The following MED14 variants were observed in gnomAD, a reference collection of about 807,000 sequenced individuals.
MED14 encodes the protein mediator of RNA polymerase II transcription subunit 14.
Under a neutral mutation model 109.0 loss-of-function variants are expected in MED14, and 8 were observed. The observed-to-expected ratio is 0.07, with a 90% CI of 0.04 to 0.13. MED14 has a LOEUF of 0.13. MED14 is among the 10% of genes least tolerant of loss of function. The pLI, the probability that MED14 is intolerant of heterozygous loss-of-function variation, is 1.00. For synonymous variants in MED14, 399 were observed against 408.7 expected, an observed-to-expected ratio of 0.98 and a Z score of 0.29; for missense variants, 711 against 1,142.4, an observed-to-expected ratio of 0.62 and a Z score of 5.44.
At chrX:40,668,339 C>T (rs760605674) in intron 23 of MED14, among the ~76,000 whole-genome samples, 52 of 97,839 alleles carry the variant, frequency 5.3e-4, no homozygotes, top group South Asian at 2.6e-3. Context: ...GCTGAGATCA[C>T]GCCATGGCAC....
At chrX:40,662,161 C>T (rs1227346610) in intron 26 of MED14, among the ~76,000 whole-genome samples, 1 of 112,091 alleles carries the variant, frequency 8.9e-6, no homozygotes, top group African/African-American at 3.2e-5. Context: ...CCACCGTGCC[C>T]GTCCTGTTCA....
chrX:40,720,712 C>T (rs1451746075), intron 3 of MED14, among the ~76,000 whole-genome samples: 1 of 109,553 alleles, frequency 9.1e-6, no homozygotes, highest in Non-Finnish European at 1.9e-5. Context: ...CCCCAGGCAG[C>T]GCAGCTTTTG....
intron 3 of MED14, among the ~76,000 whole-genome samples, chrX:40,721,153 C>T (rs1183343572): frequency 9.0e-6 from 1 of 111,476 alleles, no homozygotes; most frequent in Non-Finnish European, 1.9e-5. Flanking sequence ...CCTTAGGTAC[C>T]AGCTCAGCCA....
At chrX:40,720,548 T>C (rs1176907486) in intron 3 of MED14, among the ~76,000 whole-genome samples, 1 of 111,186 alleles carries the variant, frequency 9.0e-6, no homozygotes, top group African/African-American at 3.3e-5. Context: ...GAGTCCTAGG[T>C]AAACATGAAA....
rs1054357243 is a variant in MED14, at chrX:40,710,513, G to C, written c.1023-384C>G. On this transcript the variant is annotated intron_variant, in intron 8 of 30. Transcript: ENST00000324817. ...GTAAAGTTCAAACAGGGAATTGAGA[G>C]TTACAAACAGTCCAATAGGAATTTT... 2.7e-5 allele frequency among the ~76,000 whole-genome samples: 3 copies of C among 111,341 alleles called. No homozygotes were observed. The Admixed American group carries it at 2.9e-4, about 11-fold the overall frequency.
intron 28 of MED14, 92 bp from the exon 29 acceptor site, chrX:40,655,152 C>G: frequency 1.1e-6 from 1 of 894,453 alleles, no homozygotes; most frequent in Admixed American, 2.8e-5. Context: ...AATTTTGTTT[C>G]ATACCCAATT....
At chrX:40,708,416 T>G (rs1931225126) in intron 10 of MED14, among the ~76,000 whole-genome samples, 3 of 112,124 alleles carry the variant, frequency 2.7e-5, no homozygotes, top group Non-Finnish European at 5.6e-5. Context: ...TCTGTCAAAG[T>G]GATTTTAATC....
chrX:40,697,033 T>C lies in MED14; in HGVS notation c.1641A>G (p.Gln547=), dbSNP rs200549774. The C allele has an allele frequency of 4.2e-5, 50 of 1,200,969 alleles. No individual in the cohort carries two copies. The highest frequency in any genetic ancestry group is 1.8e-5 in the Non-Finnish European group (16 of 888,235). The part of the protein sequence containing the change: ...KLFIKLTRLP[Q]YYIVVEMLEV... ...TCCTTTGCATACTTACAATGTAGTA[T>C]TGTGGAAGGCGGGTAAGTTTAATGA... The change falls in exon 13 of 31, where the codon CAA becomes CAG. Residue 547 remains glutamine (Q), a synonymous_variant. Transcript: ENST00000324817.
chrX:40,714,976 A>C, intron 3 of MED14: 1 of 258,179 alleles, frequency 3.9e-6, no homozygotes. Flanking sequence ...CACACACATA[A>C]TATCAAAGTT....
chrX:40,685,937 TA>T (rs1195312227), intron 16 of MED14, among the ~76,000 whole-genome samples: 2 of 111,999 alleles, frequency 1.8e-5, no homozygotes, highest in African/African-American at 6.5e-5. Context: ...TATCCAGAAC[TA>T]AAAGCTTGTT....
Position 40,681,935 on chromosome X carries a change from C to G in MED14, c.2374G>C (p.Ala792Pro), listed in dbSNP as rs374539049. Residue 792 changes from alanine (A) to proline (P), a missense_variant, in exon 19 of 31, where the codon GCT (alanine) becomes CCT (proline). This residue lies in a region of MED14 where 388 missense variants were observed against 517.3 expected (regional missense o/e 0.75). Transcript: ENST00000324817. ...EFARSLPDIP[A>P]HLNIFSEVRV... ...ACTTCTGAGAAAATATTTAGATGAGCAGGTATGTCTAAACAGAAGGAAACA... is the reference window on the plus strand; with the variant it reads ...ACTTCTGAGAAAATATTTAGATGAGGAGGTATGTCTAAACAGAAGGAAACA... 20 of 1,066,328 alleles carry G rather than the reference C, an allele frequency of 1.9e-5. No individual in the cohort carries two copies. Among genetic ancestry groups the G allele is most frequent in the Admixed American group, 2.8e-5 (1 of 36,259 alleles). The allele number at this position is 1,066,328 out of a possible 1,213,427, so 87.9% of individuals were successfully genotyped here. A position where few individuals can be genotyped will look rare whatever the true frequency, so the allele number is the denominator to read the frequency against.
chrX:40,682,922 C>A lies in MED14; in HGVS notation c.2132G>T (p.Arg711Leu). The A allele has an allele frequency of 8.3e-7, 1 of 1,211,307 alleles. No homozygotes were observed. The highest frequency in any genetic ancestry group is 1.1e-6 in the Non-Finnish European group (1 of 895,053). Residue 711 changes from arginine to leucine, a missense_variant, in exon 17 of 31, where the codon CGA becomes CTA. Physicochemically the swap from Arg to Leu is moderately radical, Grantham distance 102 (BLOSUM62 -2). Around this residue, in one of 8 missense-constraint regions of MED14, gnomAD observed 388 missense variants for 517.3 expected, o/e 0.75. Coordinates refer to ENST00000324817, the MANE Select transcript of MED14 (RefSeq NM_004229.4). ...LDRSLLDCTF[R>L]LQGRNNRTWV... ...AGTGCGGTTATTTCTACCTTGTAAT[C>A]GGAAAGTGCAATCAAGAAGAGAGCG... is the stretch of plus-strand genomic sequence containing the variant.
chrX:40,701,754 T>C (rs1930944131), intron 11 of MED14, among the ~76,000 whole-genome samples: 1 of 111,681 alleles, frequency 9.0e-6, no homozygotes, highest in Non-Finnish European at 1.9e-5. Context: ...TAGAAAATGC[T>C]AGTAAACAGA....
chrX:40,733,105 A>AT (rs1435829236), intron 1 of MED14, among the ~76,000 whole-genome samples: 11 of 108,557 alleles, frequency 1.0e-4, no homozygotes, highest in African/African-American at 3.4e-4. Context: ...ATGATTATCA[A>AT]TATTTTTTTT....
intron 3 of MED14, among the ~76,000 whole-genome samples, chrX:40,718,094 C>T (rs1931600531): frequency 8.9e-6 from 1 of 111,793 alleles, no homozygotes; most frequent in Non-Finnish European, 1.9e-5. Flanking sequence ...ATCAGAAGAG[C>T]TGAAACAACA....
Position 40,682,853 on chromosome X carries a change from G to A in MED14, c.2201C>T (p.Thr734Ile), listed in dbSNP as rs1207308035. The A allele has an allele frequency of 8.3e-7, 1 of 1,210,885 alleles. No individual in the cohort carries two copies. The highest frequency in any genetic ancestry group is 1.8e-5 in the South Asian group (1 of 56,809). ...LVFANCPLNGTSTREQGPSRH... is the reference protein window; with the variant it reads ...LVFANCPLNGISTREQGPSRH... Reference sequence around the variant, plus strand: ...CATCTCACCTTGCTCCCTAGTAGAAGTGCCATTAAGTGGACAATTTGCAAA... The same window carrying A: ...CATCTCACCTTGCTCCCTAGTAGAAATGCCATTAAGTGGACAATTTGCAAA... The change falls in exon 17 of 31, where the codon ACT becomes ATT. Residue 734 changes from threonine (T) to isoleucine (I), a missense_variant. Physicochemically the swap from Thr to Ile is moderately conservative, Grantham distance 89 (BLOSUM62 -1). Around this residue, in one of 8 missense-constraint regions of MED14, gnomAD observed 388 missense variants for 517.3 expected, o/e 0.75. Coordinates refer to ENST00000324817, the MANE Select transcript of MED14 (RefSeq NM_004229.4).
chrX:40,720,225 T>C (rs1931664952), intron 3 of MED14, among the ~76,000 whole-genome samples: 1 of 112,286 alleles, frequency 8.9e-6, no homozygotes, highest in Non-Finnish European at 1.9e-5. Flanking sequence ...AAAAATCAGG[T>C]GAGCAATCAC....
chrX:40,693,023 AGGTTAAATCAATCGTATC>A, intron 13 of MED14, 121 bp from the exon 14 acceptor site: 11 of 504,266 alleles, frequency 2.2e-5, no homozygotes, highest in Non-Finnish European at 3.2e-5. Flanking sequence ...AAAAAAAAAA[AGGTTAAATCAATCGTATC>A]AAAAAAAAGC....
intron 1 of MED14, among the ~76,000 whole-genome samples, chrX:40,732,176 A>C (rs189338248): frequency 8.3e-4 from 94 of 112,875 alleles, no homozygotes; most frequent in African/African-American, 3.0e-3. Flanking sequence ...CTAGGGAAAA[A>C]GCAAAGGCTC....
Sources: allele counts gnomAD v4.1 joint callset (sites outside exome capture counted in the v4.1 genomes callset), GRCh38; gene constraint gnomAD v4.1.1; regional missense constraint gnomAD v4.1.1; transcripts MANE v1.5; gene names NCBI Gene and HGNC (gene_info 2026-07-23, HGNC 2026-07-21).